CEP295: variants seen among roughly 807,000 people sequenced by gnomAD.
CEP295 encodes the protein centrosomal protein of 295 kDa.
Under a neutral mutation model 291.6 loss-of-function variants are expected in CEP295, and 190 were observed. The ratio of observed to expected loss-of-function variants is 0.65; its 90% CI spans 0.58 to 0.73. The LOEUF is 0.73. CEP295 is among the 30% of genes least tolerant of loss of function. The pLI is 0.00. For missense variants in CEP295, 2,863 were observed against 2,949.4 expected, an observed-to-expected ratio of 0.97 and a Z score of 0.68; for synonymous variants, 993 against 1,038.8, an observed-to-expected ratio of 0.96 and a Z score of 0.85.
At chr11:93,667,832 C>A in intron 3 of CEP295, 25 bp downstream of exon 3, 2 of 1,440,994 alleles carry the variant, frequency 1.4e-6, no homozygotes, top group Non-Finnish European at 1.9e-6. Flanking sequence ...ATTTGACTAC[C>A]CTGTTGTGGC....
At chr11:93,687,990 A>G in intron 10 of CEP295, 125 bp downstream of exon 10, 1 of 574,766 alleles carries the variant, frequency 1.7e-6, no homozygotes, top group Middle Eastern at 3.3e-4. Context: ...AATTAAAAGC[A>G]ACAAAGAAAC....
chr11:93,692,497 C>T (rs112332747), intron 12 of CEP295, among the ~76,000 whole-genome samples: 3 of 151,796 alleles, frequency 2.0e-5, no homozygotes, highest in African/African-American at 7.3e-5. Flanking sequence ...TTTTTTGCTC[C>T]GTCGCCCAGG....
intron 5 of CEP295, among the ~76,000 whole-genome samples, chr11:93,672,565 A>G (rs1269351381): frequency 6.6e-6 from 1 of 152,080 alleles, no homozygotes; most frequent in Non-Finnish European, 1.5e-5. Flanking sequence ...TGTGACTACA[A>G]GAATGTGCCA....
At chr11:93,701,220 C>A (rs771171883) in intron 15 of CEP295, among the ~76,000 whole-genome samples, 6 of 151,996 alleles carry the variant, frequency 3.9e-5, no homozygotes, top group Non-Finnish European at 7.4e-5. Flanking sequence ...CAAAAATTAG[C>A]CAGGCATGGT....
intron 17 of CEP295, 41 bp from the exon 18 acceptor site, chr11:93,706,704 T>C: frequency 1.4e-6 from 2 of 1,479,074 alleles, no homozygotes; most frequent in Non-Finnish European, 1.8e-6. Context: ...TAGCTATTAA[T>C]AGTTCCAGAA....
At chr11:93,701,907 C>T (rs751299517) in intron 15 of CEP295, among the ~76,000 whole-genome samples, 2 of 150,922 alleles carry the variant, frequency 1.3e-5, no homozygotes, top group Non-Finnish European at 3.0e-5. Context: ...TGGCTGTAGG[C>T]TAAGTTTTTA....
In CEP295 at chr11:93,679,530, T is replaced by G; in HGVS notation, c.743T>G (p.Met248Arg). 6.4e-7 allele frequency: 1 copy of G among 1,551,316 alleles called. No individual in the cohort carries two copies. The highest frequency in any genetic ancestry group is 8.7e-7 in the Non-Finnish European group (1 of 1,146,806). The change falls in exon 7 of 30, where the codon ATG becomes AGG. Residue 248 changes from methionine to arginine, a missense_variant. Met to Arg is a moderately conservative substitution (Grantham distance 91). This residue lies in a region of CEP295 where 554 missense variants were observed against 576.0 expected (regional missense o/e 0.96). Coordinates refer to ENST00000325212, the MANE Select transcript of CEP295 (RefSeq NM_033395.2). ...EKAHVRGFQAMKKIHLAQNQE... is the reference protein window; with the variant it reads ...EKAHVRGFQARKKIHLAQNQE... Reference sequence around the variant, plus strand: ...GCACATGTACGGGGATTCCAAGCAATGAAGAAGATCCATTTGGCTCAAGTA... The same window carrying G: ...GCACATGTACGGGGATTCCAAGCAAGGAAGAAGATCCATTTGGCTCAAGTA...
chr11:93,728,454 C>T (rs775923650), intron 24 of CEP295: 9 of 400,940 alleles, frequency 2.2e-5, no homozygotes, highest in Non-Finnish European at 3.5e-5. Context: ...CATTGTCACA[C>T]TATTTCATCC....
In CEP295 at chr11:93,666,749, T is replaced by C; in HGVS notation, c.42T>C (p.Ser14=). ...TGAATACTCACAAGCTGAGATTGAG[T>C]CCTAATGAGGAAGCCTTCATTTTGA... ...KVVNTHKLRL[S]PNEEAFILKE... The change falls in exon 2 of 30, where the codon AGT becomes AGC. Residue 14 remains serine (S), a synonymous_variant. Transcript: ENST00000325212. 2 of 1,548,642 alleles carry C rather than the reference T, an allele frequency of 1.3e-6. No homozygotes were observed. The highest frequency in any genetic ancestry group is 1.7e-6 in the Non-Finnish European group (2 of 1,144,816).
intron 1 of CEP295, among the ~76,000 whole-genome samples, chr11:93,664,577 T>C (rs1792159131): frequency 6.6e-6 from 1 of 152,266 alleles, no homozygotes; most frequent in Non-Finnish European, 1.5e-5. Flanking sequence ...TGATTGTGTA[T>C]AGCTCTGTAG....
chr11:93,717,608 A>C (rs931143500), intron 18 of CEP295, among the ~76,000 whole-genome samples: 4 of 152,216 alleles, frequency 2.6e-5, no homozygotes, highest in African/African-American at 9.6e-5. Flanking sequence ...AGTGAAGCTA[A>C]AGTTGTAACT....
chr11:93,675,468 T>G (rs1950642317), intron 5 of CEP295, 103 bp from the exon 6 acceptor site: 1 of 541,126 alleles, frequency 1.8e-6, no homozygotes, highest in Non-Finnish European at 3.2e-6. Flanking sequence ...ATGTTTTGGA[T>G]GCGGAGAACT....
rs1331839594 is a variant in CEP295 at position 93,683,673 on chromosome 11, A to G, written c.880A>G (p.Ser294Gly). Reference sequence around the variant, plus strand: ...ACTAGTTGAACTTCCATACAAACGCAGTGAAATGAAAGAAGACTGGCAGAG... The same window carrying G: ...ACTAGTTGAACTTCCATACAAACGCGGTGAAATGAAAGAAGACTGGCAGAG... Reference protein sequence around the residue: ...PQLVELPYKRSEMKEDWQREL... With the variant: ...PQLVELPYKRGEMKEDWQREL... Residue 294 changes from serine (S) to glycine (G), a missense_variant, in exon 8 of 30, where the codon AGT (serine) becomes GGT (glycine). Physicochemically the swap from Ser to Gly is moderately conservative, Grantham distance 56 (BLOSUM62 0). Coordinates refer to ENST00000325212, the MANE Select transcript of CEP295 (RefSeq NM_033395.2). 11 of 1,550,362 alleles carry G rather than the reference A, an allele frequency of 7.1e-6. No homozygotes were observed. The Middle Eastern group carries it at 5.0e-4, about 71-fold the overall frequency.
At chr11:93,687,397 GCA>G (rs1951296966) in intron 9 of CEP295, among the ~76,000 whole-genome samples, 2 of 152,110 alleles carry the variant, frequency 1.3e-5, no homozygotes, top group African/African-American at 4.8e-5. Context: ...TATTTGTGTT[GCA>G]TACATGTTTT....
chr11:93,671,051 T>G (rs781721470), intron 5 of CEP295, among the ~76,000 whole-genome samples: 4 of 151,980 alleles, frequency 2.6e-5, no homozygotes, highest in Non-Finnish European at 4.4e-5. Context: ...CCCCGCTAAT[T>G]TTTCTGTTTT....
rs1318309565 is a variant in CEP295, at chr11:93,669,753, C to T, written c.511C>T (p.Pro171Ser). The T allele has an allele frequency of 6.5e-7, 1 of 1,549,806 alleles. No homozygotes were observed. Among genetic ancestry groups the T allele is most frequent in the East Asian group, 2.4e-5 (1 of 40,852 alleles). The change falls in exon 5 of 30, where the codon CCT becomes TCT. Residue 171 changes from proline (P) to serine (S), a missense_variant. Pro to Ser is a moderately conservative substitution (Grantham distance 74). Transcript: ENST00000325212. The part of the protein sequence containing the change: ...SAKITSLPPP[P>S]PTLFENIEVK... ...CAAAATTACAAGTCTGCCACCTCCT[C>T]CTCCAACTCTTTTTGAGGTGAGTTT...
intron 13 of CEP295, among the ~76,000 whole-genome samples, 192 bp from the exon 14 acceptor site, chr11:93,696,128 T>C (rs1951833330): frequency 1.3e-5 from 2 of 152,182 alleles, no homozygotes; most frequent in Admixed American, 1.3e-4. Flanking sequence ...TTGTAGGTAA[T>C]GCGTATGTTG....
chr11:93,662,902 C>G (rs1255566732), intron 1 of CEP295, among the ~76,000 whole-genome samples: 1 of 152,214 alleles, frequency 6.6e-6, no homozygotes, highest in East Asian at 1.9e-4. Flanking sequence ...CTCTTGATAA[C>G]AATGCACTGA....
chr11:93,708,167 T>G (rs142339867), intron 18 of CEP295, among the ~76,000 whole-genome samples: 15 of 152,334 alleles, frequency 9.8e-5, no homozygotes, highest in African/African-American at 3.1e-4. Context: ...GCATTTATAC[T>G]TTATTACAAA....
Sources: allele counts gnomAD v4.1 joint callset (sites outside exome capture counted in the v4.1 genomes callset), GRCh38; gene constraint gnomAD v4.1.1; regional missense constraint gnomAD v4.1.1; transcripts MANE v1.5; gene names NCBI Gene and HGNC (gene_info 2026-07-23, HGNC 2026-07-21).